Variants in EXOC4 observed in about 807,000 individuals in gnomAD.
EXOC4 encodes SEC8-like 1.
In EXOC4, 71 loss-of-function variants were observed where a neutral mutation model predicts 107.2. The observed-to-expected ratio is 0.66, with a 90% CI of 0.55 to 0.81. The LOEUF is 0.81. Ranked by LOEUF, EXOC4 falls within the 30% of genes least tolerant of loss-of-function variation. The probability of loss-of-function intolerance (pLI) is 0.00; values close to 1 mark genes in which losing one functional copy is unlikely to be tolerated. For synonymous variants in EXOC4, 456 were observed against 441.2 expected (o/e 1.03, Z -0.42); for missense variants, 1,108 against 1,189.6 (o/e 0.93, Z 1.01).
chr7:133,387,358 A>G (rs1796751355), intron 7 of EXOC4, among the ~76,000 whole-genome samples: 1 of 152,210 alleles, frequency 6.6e-6, no homozygotes, highest in African/African-American at 2.4e-5. Context: ...AGGTGCTTTA[A>G]TGTACATTAC....
At chr7:133,455,558 T>C (rs1231137117) in intron 7 of EXOC4, among the ~76,000 whole-genome samples, 1 of 152,232 alleles carries the variant, frequency 6.6e-6, no homozygotes, top group Non-Finnish European at 1.5e-5. Context: ...TCTAGATTTG[T>C]TACTTGTAGA....
At chr7:133,927,692 A>G (rs1253007352) in intron 13 of EXOC4, among the ~76,000 whole-genome samples, 1 of 152,228 alleles carries the variant, frequency 6.6e-6, no homozygotes, top group Non-Finnish European at 1.5e-5. Context: ...GAAAACATGA[A>G]TATATTAAAT....
intron 10 of EXOC4, among the ~76,000 whole-genome samples, chr7:133,685,741 AT>A (rs1283620509): frequency 6.6e-6 from 1 of 152,176 alleles, no homozygotes; most frequent in Non-Finnish European, 1.5e-5. Context: ...ATATTTAAAA[AT>A]TTCTATAAAT....
intron 10 of EXOC4, among the ~76,000 whole-genome samples, chr7:133,706,912 T>A (rs758592500): frequency 6.6e-6 from 1 of 152,106 alleles, no homozygotes; most frequent in Non-Finnish European, 1.5e-5. Context: ...AGGCCCCACA[T>A]CCTAATACTG....
rs1270162361 is a variant in EXOC4, at chr7:133,475,464, C to A, written c.1319C>A (p.Ser440Tyr). Residue 440 changes from serine to tyrosine, a missense_variant, in exon 8 of 18, where the codon TCT becomes TAT. Physicochemically the swap from Ser to Tyr is moderately radical, Grantham distance 144. Transcript: ENST00000253861. ...AAGAAACCTCAAAGGCCAAAAAATTCTCTTTTCAAGTAAGTATTATTCTGC... is the reference window on the plus strand; with the variant it reads ...AAGAAACCTCAAAGGCCAAAAAATTATCTTTTCAAGTAAGTATTATTCTGC... ...AKKKPQRPKN[S>Y]LFKFESSSHA... 1 of 1,613,894 alleles carries A rather than the reference C, an allele frequency of 6.2e-7. No individual in the cohort carries two copies. Among genetic ancestry groups the A allele is most frequent in the South Asian group, 1.1e-5 (1 of 91,056 alleles).
chr7:133,487,190 A>C (rs1489466689), intron 9 of EXOC4, among the ~76,000 whole-genome samples: 4 of 152,174 alleles, frequency 2.6e-5, no homozygotes, highest in African/African-American at 9.7e-5. Context: ...AACCATCACA[A>C]AGCCGATTAC....
intron 13 of EXOC4, among the ~76,000 whole-genome samples, chr7:133,919,652 A>G (rs1189446825): frequency 1.3e-5 from 2 of 152,128 alleles, no homozygotes; most frequent in African/African-American, 4.8e-5. Context: ...CCTCTTGAGA[A>G]TGACTTATTT....
chr7:133,384,864 A>G (rs1796694200), intron 7 of EXOC4, among the ~76,000 whole-genome samples: 1 of 151,390 alleles, frequency 6.6e-6, no homozygotes, highest in South Asian at 2.1e-4. Flanking sequence ...GGCTTAAGAC[A>G]TCAACCATTT....
At chr7:133,793,877 C>T (rs1406177101) in intron 10 of EXOC4, among the ~76,000 whole-genome samples, 2 of 127,304 alleles carry the variant, frequency 1.6e-5, no homozygotes, top group Non-Finnish European at 1.7e-5. Context: ...AATAAAATGC[C>T]CTAAAACAGC....
chr7:133,774,578 G>A (rs1796307807), intron 10 of EXOC4, among the ~76,000 whole-genome samples: 1 of 152,040 alleles, frequency 6.6e-6, no homozygotes, highest in African/African-American at 2.4e-5. Flanking sequence ...TGGATGTGAA[G>A]CATAGAAAGT....
At chr7:133,743,686 T>G (rs772247439) in intron 10 of EXOC4, among the ~76,000 whole-genome samples, 22 of 152,202 alleles carry the variant, frequency 1.4e-4, no homozygotes, top group Non-Finnish European at 2.4e-4. Context: ...TGGGCCATAC[T>G]TGGGCCATTG....
chr7:134,077,696 A>G, the EXOC4 span, among the ~76,000 whole-genome samples: 1 of 152,226 alleles, frequency 6.6e-6, no homozygotes, highest in Non-Finnish European at 1.5e-5. Context: ...AGGGATACAG[A>G]GGGAGGACAA....
At chr7:133,874,101 GTTACT>G (rs1481981679) in intron 11 of EXOC4, among the ~76,000 whole-genome samples, 22 of 152,130 alleles carry the variant, frequency 1.4e-4, no homozygotes, top group Admixed American at 3.3e-4. Context: ...AAAGCCTAAG[GTTACT>G]TTATGGTGGG....
chr7:133,479,992 TG>T, intron 8 of EXOC4, 57 bp from the exon 9 acceptor site: 1 of 1,323,736 alleles, frequency 7.6e-7, no homozygotes, highest in Non-Finnish European at 1.1e-6. Flanking sequence ...AATACAGAGC[TG>T]GTCAGCACTT....
At chr7:133,780,303 T>TAAA (rs35224246) in intron 10 of EXOC4, among the ~76,000 whole-genome samples, 89 of 143,918 alleles carry the variant, frequency 6.2e-4, no homozygotes, top group African/African-American at 5.1e-4. Context: ...TTGAAGAATC[T>TAAA]AAAAAAAAAA....
intron 7 of EXOC4, among the ~76,000 whole-genome samples, chr7:133,419,834 C>T (rs4596592): frequency 0.84 from 128,037 of 152,128 alleles, 54,153 homozygotes; most frequent in East Asian, 0.95. Flanking sequence ...ATCTCACAGT[C>T]TCTGTGGGAC....
intron 9 of EXOC4, among the ~76,000 whole-genome samples, chr7:133,577,645 A>T (rs1358214349): frequency 2.0e-5 from 3 of 152,186 alleles, no homozygotes; most frequent in Non-Finnish European, 4.4e-5. Context: ...AGTCTGGATG[A>T]GTTGGCTGTA....
chr7:133,828,358 A>T (rs114035876), intron 11 of EXOC4, among the ~76,000 whole-genome samples: 3,647 of 152,290 alleles, frequency 0.024, 148 homozygotes, highest in African/African-American at 0.083. Flanking sequence ...GATAGTTAGC[A>T]TTCTTGGGAG....
chr7:133,971,651 A>C (rs1389387694), intron 14 of EXOC4, among the ~76,000 whole-genome samples: 1 of 152,100 alleles, frequency 6.6e-6, no homozygotes, highest in Non-Finnish European at 1.5e-5. Context: ...GCTGATTTCC[A>C]TGTGAAATTT....
Sources: gnomAD v4.1 joint callset for allele counts (sites outside exome capture counted in the v4.1 genomes callset) on GRCh38, gnomAD v4.1.1 for gene constraint, MANE v1.5 for transcripts, NCBI Gene and HGNC (gene_info 2026-07-23, HGNC 2026-07-21) for gene names.